MEGF10: variants seen among roughly 807,000 people sequenced by gnomAD.
MEGF10 encodes multiple EGF like domains 10, also known as multiple epidermal growth factor-like domains protein 10.
Under a neutral mutation model 147.5 loss-of-function variants are expected in MEGF10, and 86 were observed. The ratio of observed to expected loss-of-function variants is 0.58; its 90% CI spans 0.49 to 0.70. The LOEUF is 0.70. Among genes scored for constraint, MEGF10 ranks in the 30% least tolerant of loss-of-function variants. MEGF10 has a pLI of 0.00. For missense variants in MEGF10, 1,329 were observed against 1,487.3 expected, an observed-to-expected ratio of 0.89 and a Z score of 1.75; for synonymous variants, 478 against 525.5, an observed-to-expected ratio of 0.91 and a Z score of 1.24.
the MEGF10 span, among the ~76,000 whole-genome samples, chr5:127,265,624 G>A: frequency 2.0e-5 from 3 of 151,978 alleles, no homozygotes; most frequent in Admixed American, 6.6e-5. Context: ...AACTGGTGTG[G>A]TATGGTATCT....
chr5:127,340,280 A>C lies in MEGF10; in HGVS notation c.219-250A>C, dbSNP rs1465109442. ...AGTGAATGATGCTTTGATGGGTATC[A>C]TATATGAATTAATCAATACTTTTCA... On this transcript the variant is annotated intron_variant, in intron 3 of 24. Coordinates refer to ENST00000503335, the MANE Select transcript of MEGF10 (RefSeq NM_001256545.2). 2.0e-5 allele frequency among the ~76,000 whole-genome samples: 3 copies of C among 152,194 alleles called. No homozygotes were observed. The East Asian group carries it at 5.8e-4, about 29-fold the overall frequency.
At chr5:127,435,534 T>A (rs1212923612) in intron 16 of MEGF10, 45 bp downstream of exon 16, 1 of 1,566,700 alleles carries the variant, frequency 6.4e-7, no homozygotes, top group Non-Finnish European at 8.7e-7. Flanking sequence ...CTTATTTGTT[T>A]GTTTTCAGAT....
At chr5:127,441,038 G>T (rs1247297067) in intron 18 of MEGF10, among the ~76,000 whole-genome samples, 171 bp downstream of exon 18, 2 of 152,164 alleles carry the variant, frequency 1.3e-5, no homozygotes, top group African/African-American at 4.8e-5. Context: ...GGCCTCCCTG[G>T]GATCATCGCT....
At chr5:127,248,686 T>G in the MEGF10 span, among the ~76,000 whole-genome samples, 16 of 151,934 alleles carry the variant, frequency 1.1e-4, no homozygotes, top group Middle Eastern at 3.4e-3. Flanking sequence ...AGAAAATATA[T>G]TTTAAAACAT....
chr5:127,413,373 T>C (rs1223087191), intron 9 of MEGF10, among the ~76,000 whole-genome samples: 1 of 152,214 alleles, frequency 6.6e-6, no homozygotes, highest in African/African-American at 2.4e-5. Flanking sequence ...AGACATTTAA[T>C]AGCCATGGAC....
At chr5:127,280,907 A>C in the MEGF10 span, among the ~76,000 whole-genome samples, 2 of 152,346 alleles carry the variant, frequency 1.3e-5, no homozygotes, top group South Asian at 4.1e-4. Flanking sequence ...ACTCCTTTCC[A>C]AAGGGGCCTT....
At chr5:127,374,931 T>C (rs1243097633) in intron 5 of MEGF10, among the ~76,000 whole-genome samples, 1 of 152,210 alleles carries the variant, frequency 6.6e-6, no homozygotes, top group Admixed American at 6.5e-5. Context: ...ATTTACCTGG[T>C]GGAGTGGCTC....
chr5:127,355,359 C>T (rs185703380), intron 4 of MEGF10, among the ~76,000 whole-genome samples: 11 of 152,068 alleles, frequency 7.2e-5, no homozygotes, highest in Admixed American at 1.3e-4. Flanking sequence ...CAGATCCTTT[C>T]GAGTAGAGAT....
chr5:127,287,520 T>C (rs377694034), upstream of MEGF10, among the ~76,000 whole-genome samples: 13 of 152,122 alleles, frequency 8.5e-5, 1 homozygote, highest in East Asian at 2.3e-3. Flanking sequence ...TAGGGATTCA[T>C]TTTTTAAATT....
chr5:127,266,611 T>C, the MEGF10 span, among the ~76,000 whole-genome samples: 4 of 152,192 alleles, frequency 2.6e-5, no homozygotes, highest in Non-Finnish European at 4.4e-5. Context: ...CAGTGGTTTA[T>C]AGTTCTCCTA....
At chr5:127,424,486 T>C in intron 13 of MEGF10, 3 of 1,407,776 alleles carry the variant, frequency 2.1e-6, no homozygotes, top group Non-Finnish European at 2.8e-6. Context: ...CAATATGAAG[T>C]CTTCAGATTC....
chr5:127,271,363 C>G, the MEGF10 span, among the ~76,000 whole-genome samples: 83,122 of 151,834 alleles, frequency 0.55, 23,094 homozygotes, highest in Middle Eastern at 0.7. Context: ...GTCTTCTTTT[C>G]AGAAGTGGCT....
the MEGF10 span, chr5:127,229,451 C>G: frequency 1.6e-4 from 25 of 151,830 alleles, no homozygotes; most frequent in Admixed American, 1.5e-3. Flanking sequence ...GGTCACCTCG[C>G]CGGGTCGAGG....
chr5:127,247,559 T>C, the MEGF10 span, among the ~76,000 whole-genome samples: 5 of 152,038 alleles, frequency 3.3e-5, no homozygotes, highest in East Asian at 1.9e-4. Context: ...TATGCAACTT[T>C]ATTTACAGGC....
chr5:127,342,053 G>A (rs190030244), intron 4 of MEGF10, among the ~76,000 whole-genome samples: 192 of 152,258 alleles, frequency 1.3e-3, no homozygotes, highest in Non-Finnish European at 2.2e-3. Context: ...CTTATACCCT[G>A]AGCCAATCTT....
chr5:127,416,825 C>T (rs996438973), intron 9 of MEGF10, among the ~76,000 whole-genome samples: 11 of 152,210 alleles, frequency 7.2e-5, no homozygotes, highest in African/African-American at 1.7e-4. Flanking sequence ...GTCTTCATCC[C>T]TCCCAGGTTG....
intron 4 of MEGF10, among the ~76,000 whole-genome samples, chr5:127,350,878 A>G (rs1762060778): frequency 6.6e-6 from 1 of 152,202 alleles, no homozygotes; most frequent in Non-Finnish European, 1.5e-5. Flanking sequence ...ACAATATGTA[A>G]TAATCACATC....
the MEGF10 span, among the ~76,000 whole-genome samples, chr5:127,236,954 A>T: frequency 6.6e-6 from 1 of 152,202 alleles, no homozygotes; most frequent in East Asian, 1.9e-4. Flanking sequence ...TTGCCCCCAG[A>T]TTTAGGGAGT....
At chr5:127,234,090 A>T in the MEGF10 span, among the ~76,000 whole-genome samples, 1 of 152,196 alleles carries the variant, frequency 6.6e-6, no homozygotes, top group Non-Finnish European at 1.5e-5. Context: ...CAGGGCTCAT[A>T]CTGAGGATTT....
Sources: gnomAD v4.1 joint callset for allele counts (sites outside exome capture counted in the v4.1 genomes callset) on GRCh38, gnomAD v4.1.1 for gene constraint, MANE v1.5 for transcripts, NCBI Gene and HGNC (gene_info 2026-07-23, HGNC 2026-07-21) for gene names.